The following SETBP1 variants were observed in gnomAD, a reference collection of about 807,000 sequenced individuals.
SETBP1 encodes the protein SET-binding protein.
Under a neutral mutation model 101.0 loss-of-function variants are expected in SETBP1, and 9 were observed. That is an observed-to-expected ratio of 0.09 (90% confidence interval 0.05 to 0.16). The LOEUF (loss-of-function observed/expected upper bound fraction) is 0.16. Ranked by LOEUF, SETBP1 falls within the 10% of genes least tolerant of loss-of-function variation. The pLI is 1.00. For synonymous variants in SETBP1, 818 were observed against 788.5 expected (o/e 1.04, Z -0.63); for missense variants, 1,858 against 2,033.8 (o/e 0.91, Z 1.66).
intron 2 of SETBP1, among the ~76,000 whole-genome samples, chr18:44,754,749 G>C (rs541188543): frequency 6.6e-6 from 1 of 152,260 alleles, no homozygotes; most frequent in South Asian, 2.1e-4. Flanking sequence ...TTGTCACTCT[G>C]GTTCTCTTTG....
At chr18:44,971,446 G>T (rs1423698247) in intron 4 of SETBP1, among the ~76,000 whole-genome samples, 1 of 152,088 alleles carries the variant, frequency 6.6e-6, no homozygotes, top group East Asian at 1.9e-4. Context: ...CTGAGGAATC[G>T]CCACACCGAC....
chr18:44,875,465 C>T (rs1263820262), intron 3 of SETBP1, among the ~76,000 whole-genome samples: 1 of 125,568 alleles, frequency 8.0e-6, no homozygotes, highest in Non-Finnish European at 1.6e-5. Flanking sequence ...TTGCCGAGAT[C>T]GGGGAGTGAG....
chr18:44,690,735 G>C (rs2068916759), intron 1 of SETBP1, among the ~76,000 whole-genome samples: 1 of 152,192 alleles, frequency 6.6e-6, no homozygotes, highest in Non-Finnish European at 1.5e-5. Flanking sequence ...GTTAAAATCA[G>C]TTAGTAAATC....
At chr18:44,712,953 C>CTTTTTTTTTTTTTTTTTTTT (rs11323504) in intron 2 of SETBP1, among the ~76,000 whole-genome samples, 1 of 64,898 alleles carries the variant, frequency 1.5e-5, no homozygotes. Flanking sequence ...CAGCATCCCT[C>CTTTTTTTTTTTTTTTTTTTT]TTTTTTTTTT....
chr18:44,922,815 A>G (rs1430906025), intron 3 of SETBP1, among the ~76,000 whole-genome samples: 2 of 152,190 alleles, frequency 1.3e-5, no homozygotes, highest in East Asian at 1.9e-4. Context: ...ATCTAATTAC[A>G]TGGCGCAGGT....
chr18:44,728,371 T>C (rs1488167217), intron 2 of SETBP1, among the ~76,000 whole-genome samples: 1 of 152,174 alleles, frequency 6.6e-6, no homozygotes, highest in Non-Finnish European at 1.5e-5. Flanking sequence ...TATTAAAAAC[T>C]ACACAAGGCA....
Position 45,038,532 on chromosome 18 carries a change from A to C in SETBP1, c.4048A>C (p.Lys1350Gln), listed in dbSNP as rs770676351. The C allele has an allele frequency of 6.2e-7, 1 of 1,614,154 alleles. No individual in the cohort carries two copies. Among genetic ancestry groups the C allele is most frequent in the Non-Finnish European group, 8.5e-7 (1 of 1,180,018 alleles). Residue 1350 changes from lysine (K) to glutamine (Q), a missense_variant, in exon 5 of 6, where the codon AAG becomes CAG. Lys to Gln is a moderately conservative substitution (Grantham distance 53, BLOSUM62 1). This residue lies in a region of SETBP1 where 417 missense variants were observed against 389.1 expected (regional missense o/e 1.07). Transcript: ENST00000649279. ...AGTGGACCAGACAGCAGTGCATAGT[A>C]AGAACGAAGGCTCAGTGCCCACCAT... is the stretch of plus-strand genomic sequence containing the variant. ...LKVDQTAVHS[K>Q]NEGSVPTMMT...
intron 2 of SETBP1, among the ~76,000 whole-genome samples, chr18:44,727,041 A>G (rs1427362753): frequency 6.6e-6 from 1 of 152,190 alleles, no homozygotes; most frequent in Non-Finnish European, 1.5e-5. Flanking sequence ...CACTATAAAC[A>G]TGTTTCAGTT....
At chr18:44,932,056 A>G (rs1156567427) in intron 3 of SETBP1, among the ~76,000 whole-genome samples, 2 of 152,118 alleles carry the variant, frequency 1.3e-5, no homozygotes, top group Non-Finnish European at 2.9e-5. Context: ...ACAATTTGGC[A>G]TGTTTTTGCA....
chr18:45,038,348 T>C, intron 4 of SETBP1, 137 bp from the exon 5 acceptor site: 2 of 862,244 alleles, frequency 2.3e-6, no homozygotes, highest in African/African-American at 1.7e-5. Flanking sequence ...TTTAGCATTT[T>C]TAAATTTCAT....
At chr18:44,956,530 C>T (rs1393901790) in intron 4 of SETBP1, among the ~76,000 whole-genome samples, 1 of 152,170 alleles carries the variant, frequency 6.6e-6, no homozygotes, top group African/African-American at 2.4e-5. Flanking sequence ...ACTTCTCTCC[C>T]TCCACCTTTT....
At chr18:45,058,627 A>G (rs1034477903) in intron 5 of SETBP1, among the ~76,000 whole-genome samples, 6 of 152,230 alleles carry the variant, frequency 3.9e-5, no homozygotes, top group African/African-American at 7.2e-5. Context: ...CTACTGTACC[A>G]TACTCTGCTA....
chr18:44,745,145 T>C (rs191080671), intron 2 of SETBP1, among the ~76,000 whole-genome samples: 2 of 152,282 alleles, frequency 1.3e-5, no homozygotes, highest in Non-Finnish European at 2.9e-5. Flanking sequence ...CCCTTTTGGG[T>C]AGAATCTCTT....
At chr18:44,838,258 C>T (rs1032957897) in intron 2 of SETBP1, among the ~76,000 whole-genome samples, 1 of 152,214 alleles carries the variant, frequency 6.6e-6, no homozygotes, top group South Asian at 2.1e-4. Context: ...GTAGGAGTCT[C>T]TTACTGCTTA....
chr18:44,889,858 C>A (rs2144776491), intron 3 of SETBP1, among the ~76,000 whole-genome samples: 1 of 152,222 alleles, frequency 6.6e-6, no homozygotes, highest in South Asian at 2.1e-4. Flanking sequence ...ATCCCTATTT[C>A]TCTAAAAATG....
chr18:44,919,347 C>CCT (rs1555700078), intron 3 of SETBP1, among the ~76,000 whole-genome samples: 1 of 138,842 alleles, frequency 7.2e-6, no homozygotes, highest in East Asian at 2.1e-4. Flanking sequence ...ATCCCCCCAT[C>CCT]TTTTTTTTTT....
intron 2 of SETBP1, among the ~76,000 whole-genome samples, chr18:44,841,152 A>G (rs1361736989): frequency 6.6e-6 from 1 of 152,202 alleles, no homozygotes; most frequent in South Asian, 2.1e-4. Flanking sequence ...GGTCTCATGA[A>G]GTTGCAGTCA....
chr18:44,738,264 T>C (rs1260616221), intron 2 of SETBP1, among the ~76,000 whole-genome samples: 1 of 152,212 alleles, frequency 6.6e-6, no homozygotes, highest in Admixed American at 6.5e-5. Context: ...TACCCTGTAG[T>C]CATATGTGCC....
intron 4 of SETBP1, among the ~76,000 whole-genome samples, chr18:44,969,743 A>G (rs933275650): frequency 2.0e-5 from 3 of 152,180 alleles, no homozygotes; most frequent in Admixed American, 2.0e-4. Context: ...AACCCCTCAC[A>G]ACATCCTCCT....
Sources: allele counts gnomAD v4.1 joint callset (sites outside exome capture counted in the v4.1 genomes callset), GRCh38; gene constraint gnomAD v4.1.1; regional missense constraint gnomAD v4.1.1; transcripts MANE v1.5; gene names NCBI Gene and HGNC (gene_info 2026-07-23, HGNC 2026-07-21).